The following NT5DC1 variants were observed in gnomAD, a reference collection of about 807,000 sequenced individuals.
NT5DC1 encodes the protein 5'-nucleotidase domain containing 1.
NT5DC1 carries 42 observed loss-of-function variants against 59.4 expected under a neutral mutation model. The ratio of observed to expected loss-of-function variants is 0.71; its 90% CI spans 0.55 to 0.92. NT5DC1 has a LOEUF of 0.92. Ranked by LOEUF, NT5DC1 falls within the 40% of genes least tolerant of loss-of-function variation. The probability of loss-of-function intolerance (pLI) is 0.00; values close to 1 mark genes in which losing one functional copy is unlikely to be tolerated. For synonymous variants in NT5DC1, 172 were observed against 188.1 expected (o/e 0.91, Z 0.70); for missense variants, 501 against 537.1 (o/e 0.93, Z 0.66).
chr6:116,209,536 A>G (rs532114443), intron 6 of NT5DC1, among the ~76,000 whole-genome samples: 70 of 152,180 alleles, frequency 4.6e-4, no homozygotes, highest in African/African-American at 1.6e-3. Flanking sequence ...AACATGATGA[A>G]TGCCATCATT....
intron 6 of NT5DC1, among the ~76,000 whole-genome samples, chr6:116,197,803 G>A (rs1781267589): frequency 6.6e-6 from 1 of 152,046 alleles, no homozygotes; most frequent in Non-Finnish European, 1.5e-5. Context: ...GAAAGCGCTA[G>A]GTAAACATTT....
chr6:116,136,072 T>A (rs1447261775), intron 6 of NT5DC1, among the ~76,000 whole-genome samples: 1 of 151,990 alleles, frequency 6.6e-6, no homozygotes, highest in African/African-American at 2.4e-5. Flanking sequence ...TTGTGCCACT[T>A]GAAAAACATC....
At position 116,248,837 on chromosome 6, in the gene NT5DC1, G is replaced by A. The variant is rs1011731370; in HGVS notation, c.*4813G>A. 6.6e-6 allele frequency: 1 copy of A among 152,206 alleles called. No homozygotes were observed. Among genetic ancestry groups the A allele is most frequent in the African/African-American group, 2.4e-5 (1 of 41,450 alleles). 9.4% of individuals were successfully genotyped at this position (152,206 alleles called of 1,614,324 possible). On this transcript the variant is annotated 3_prime_UTR_variant, in exon 12 of 12. Coordinates refer to ENST00000319550, the MANE Select transcript of NT5DC1 (RefSeq NM_152729.3). Reference sequence around the variant, plus strand: ...GCAGGGCTATAGCAGTGAACCAATTGGTTGGTAAGTGAAACCTGTAAGATG... The same window carrying A: ...GCAGGGCTATAGCAGTGAACCAATTAGTTGGTAAGTGAAACCTGTAAGATG...
At chr6:116,199,761 A>C (rs1013182811) in intron 6 of NT5DC1, among the ~76,000 whole-genome samples, 3 of 152,226 alleles carry the variant, frequency 2.0e-5, no homozygotes, top group Admixed American at 2.0e-4. Context: ...ATTTGAGAAC[A>C]AAATAAATAA....
chr6:116,179,534 A>T (rs1780828977), intron 6 of NT5DC1, among the ~76,000 whole-genome samples: 1 of 152,176 alleles, frequency 6.6e-6, no homozygotes, highest in Non-Finnish European at 1.5e-5. Flanking sequence ...CATATGACAA[A>T]ATGCTCAACG....
chr6:116,110,930 C>G lies in NT5DC1; in HGVS notation c.338C>G (p.Ser113Trp), dbSNP rs757924218. The change falls in exon 4 of 12, where the codon TCG becomes TGG. Residue 113 changes from serine to tryptophan, a missense_variant. Coordinates refer to ENST00000319550, the MANE Select transcript of NT5DC1 (RefSeq NM_152729.3). ...AAGAAAGAGTGGAAGCACTTCTTGT[C>G]GGACACTGGAATGGCTTGCCGCTCA... ...YGKKEWKHFLSDTGMACRSGK... is the reference protein window; with the variant it reads ...YGKKEWKHFLWDTGMACRSGK... 6.2e-7 allele frequency: 1 copy of G among 1,613,034 alleles called. No individual in the cohort carries two copies. The highest frequency in any genetic ancestry group is 1.3e-5 in the African/African-American group (1 of 75,014).
intron 10 of NT5DC1, 93 bp from the exon 11 acceptor site, chr6:116,238,862 G>C (rs1204816): frequency 0.23 from 173,396 of 764,278 alleles, 22,162 homozygotes; most frequent in African/African-American, 0.43. Context: ...TTCCTACAGG[G>C]TTTCAAAGTT....
At chr6:116,144,499 C>CA (rs542743486) in intron 6 of NT5DC1, among the ~76,000 whole-genome samples, 654 of 124,872 alleles carry the variant, frequency 5.2e-3, no homozygotes, top group East Asian at 0.034. Flanking sequence ...GACTCCGTCT[C>CA]AAAAAAAAAA....
intron 6 of NT5DC1, among the ~76,000 whole-genome samples, chr6:116,174,228 T>C (rs1432731662): frequency 1.3e-5 from 2 of 152,214 alleles, no homozygotes; most frequent in Non-Finnish European, 2.9e-5. Flanking sequence ...CCCCTTTGCA[T>C]ACTCCGTTTT....
chr6:116,181,601 CT>C (rs1267388723), intron 6 of NT5DC1, among the ~76,000 whole-genome samples: 1 of 151,974 alleles, frequency 6.6e-6, no homozygotes, highest in Admixed American at 6.6e-5. Flanking sequence ...ATTGTCACCA[CT>C]TTTTTTCATT....
intron 6 of NT5DC1, among the ~76,000 whole-genome samples, chr6:116,159,340 C>T (rs1257313627): frequency 1.3e-5 from 2 of 152,108 alleles, no homozygotes; most frequent in East Asian, 3.8e-4. Context: ...ACTTTCAAGT[C>T]ATTATTTCTG....
At chr6:116,125,533 A>T (rs1325604296) in intron 6 of NT5DC1, 1 of 1,601,554 alleles carries the variant, frequency 6.2e-7, no homozygotes, top group Middle Eastern at 1.7e-4. Context: ...GAATAACTTT[A>T]TACAGCATTG....
Position 116,135,870 on chromosome 6 carries a change from T to TACAC in NT5DC1, c.529+17926_529+17927insCACA, listed in dbSNP as rs1171866948. ...ATATATATATATATATATATATATA[T>TACAC]ATACACACATACACACACATTGCTA... On this transcript the variant is annotated intron_variant, in intron 6 of 11. Transcript: ENST00000319550. 2.2e-3 allele frequency among the ~76,000 whole-genome samples: 261 copies of TACAC among 119,268 alleles called. 3 individuals carry two copies. Among genetic ancestry groups the TACAC allele is most frequent in the African/African-American group, 8.3e-3 (241 of 28,876 alleles). 78.2% of individuals were successfully genotyped at this position (119,268 alleles called of 152,430 possible).
At chr6:116,148,939 C>T (rs747341015) in intron 6 of NT5DC1, among the ~76,000 whole-genome samples, 16 of 152,200 alleles carry the variant, frequency 1.1e-4, no homozygotes, top group Non-Finnish European at 1.9e-4. Flanking sequence ...TCCAAGAAGC[C>T]AGTCTTTTGT....
At chr6:116,150,674 A>C (rs1780017524) in intron 6 of NT5DC1, among the ~76,000 whole-genome samples, 1 of 152,150 alleles carries the variant, frequency 6.6e-6, no homozygotes, top group Non-Finnish European at 1.5e-5. Flanking sequence ...TAACTTTCAG[A>C]GATTGGAGCA....
intron 6 of NT5DC1, among the ~76,000 whole-genome samples, chr6:116,164,283 A>G (rs1780413920): frequency 6.6e-6 from 1 of 152,094 alleles, no homozygotes; most frequent in South Asian, 2.1e-4. Flanking sequence ...TGGGTAATGT[A>G]TATATTTAGG....
chr6:116,229,231 C>T (rs1781962433), intron 8 of NT5DC1, among the ~76,000 whole-genome samples: 1 of 152,174 alleles, frequency 6.6e-6, no homozygotes, highest in Admixed American at 6.5e-5. Flanking sequence ...TCATTTCTTC[C>T]CTCCCTTTTA....
chr6:116,192,727 A>G (rs757534636), intron 6 of NT5DC1, among the ~76,000 whole-genome samples: 5 of 152,062 alleles, frequency 3.3e-5, no homozygotes, highest in Non-Finnish European at 7.4e-5. Context: ...ACTAACCAGA[A>G]TCTATCTGGT....
intron 6 of NT5DC1, chr6:116,121,713 G>A: frequency 1.2e-6 from 2 of 1,614,022 alleles, no homozygotes; most frequent in South Asian, 1.1e-5. Flanking sequence ...CGGGGTCCTG[G>A]TAGGCCAGCT....
Sources: allele counts gnomAD v4.1 joint callset (sites outside exome capture counted in the v4.1 genomes callset), GRCh38; gene constraint gnomAD v4.1.1; transcripts MANE v1.5; gene names NCBI Gene and HGNC (gene_info 2026-07-23, HGNC 2026-07-21).